The following ZNF804B variants were observed in gnomAD, a reference collection of about 807,000 sequenced individuals.
The protein encoded by ZNF804B is zinc finger 804B.
ZNF804B carries 80 observed loss-of-function variants against 101.4 expected under a neutral mutation model. That is an observed-to-expected ratio of 0.79 (90% CI 0.66 to 0.95). The LOEUF is 0.95. Ranked by LOEUF, ZNF804B falls within the 40% of genes least tolerant of loss-of-function variation. The pLI is 0.00. For missense variants in ZNF804B, 1,673 were observed against 1,561.9 expected, an observed-to-expected ratio of 1.07 and a Z score of -1.20; for synonymous variants, 622 against 558.8, an observed-to-expected ratio of 1.11 and a Z score of -1.59.
chr7:89,336,799 G>A lies in ZNF804B; in HGVS notation c.3817G>A (p.Ala1273Thr), dbSNP rs1232041906. Residue 1273 changes from alanine (A) to threonine (T), a missense_variant, in exon 4 of 4, where the codon GCT becomes ACT. Ala to Thr is a moderately conservative substitution (Grantham distance 58). Transcript: ENST00000333190. Reference protein sequence around the residue: ...LAGHPLHLVAATPFHPSHITL... With the variant: ...LAGHPLHLVATTPFHPSHITL... ...AGGTCATCCCCTGCATTTAGTAGCT[G>A]CTACCCCCTTCCACCCATCTCACAT... 1.2e-6 allele frequency: 2 copies of A among 1,613,924 alleles called. No homozygotes were observed. The highest frequency in any genetic ancestry group is 1.7e-4 in the Middle Eastern group (1 of 6,060).
At chr7:89,040,512 T>A (rs917292889) in intron 1 of ZNF804B, among the ~76,000 whole-genome samples, 1 of 152,208 alleles carries the variant, frequency 6.6e-6, no homozygotes, top group Non-Finnish European at 1.5e-5. Context: ...ATTGATACAT[T>A]GTTTTCTTAT....
intron 1 of ZNF804B, among the ~76,000 whole-genome samples, chr7:88,899,630 T>C (rs1792358953): frequency 1.3e-5 from 2 of 152,180 alleles, no homozygotes; most frequent in Non-Finnish European, 2.9e-5. Flanking sequence ...ATTATTTGCT[T>C]TTTTGTTTAA....
chr7:89,063,205 G>A (rs10254094), intron 1 of ZNF804B, among the ~76,000 whole-genome samples: 10,824 of 152,064 alleles, frequency 0.071, 783 homozygotes, highest in African/African-American at 0.18. Flanking sequence ...GTCAAACTAA[G>A]CTATATATTT....
intron 1 of ZNF804B, among the ~76,000 whole-genome samples, chr7:88,789,548 G>T (rs762230618): frequency 7.2e-5 from 11 of 152,016 alleles, no homozygotes; most frequent in Non-Finnish European, 1.3e-4. Flanking sequence ...TATTTGAAAG[G>T]TACTTTTTGG....
chr7:89,172,292 A>G (rs995682329), intron 1 of ZNF804B, among the ~76,000 whole-genome samples: 6 of 152,150 alleles, frequency 3.9e-5, no homozygotes, highest in Non-Finnish European at 5.9e-5. Context: ...GGAAGAGGGC[A>G]CCAGTTTGCA....
intron 1 of ZNF804B, among the ~76,000 whole-genome samples, chr7:88,915,137 A>G (rs1476192056): frequency 6.6e-6 from 1 of 152,104 alleles, no homozygotes; most frequent in Non-Finnish European, 1.5e-5. Flanking sequence ...ATCACATTTT[A>G]AGAGAAAATA....
At chr7:88,902,450 G>A (rs1170730929) in intron 1 of ZNF804B, among the ~76,000 whole-genome samples, 1 of 151,942 alleles carries the variant, frequency 6.6e-6, no homozygotes, top group Non-Finnish European at 1.5e-5. Flanking sequence ...TTTATTTGGG[G>A]AAACAGAGGC....
At chr7:88,905,363 T>C (rs1562828170) in intron 1 of ZNF804B, among the ~76,000 whole-genome samples, 1 of 151,972 alleles carries the variant, frequency 6.6e-6, no homozygotes. Context: ...TTTTTTGTTT[T>C]TTGTTTTTTT....
At chr7:89,298,418 G>A (rs1438808353) in intron 2 of ZNF804B, among the ~76,000 whole-genome samples, 1 of 149,472 alleles carries the variant, frequency 6.7e-6, no homozygotes, top group Non-Finnish European at 1.5e-5. Flanking sequence ...GCCCTGGTGT[G>A]TGATGTTCCC....
At chr7:88,955,708 G>T (rs1286748207) in intron 1 of ZNF804B, among the ~76,000 whole-genome samples, 3 of 151,460 alleles carry the variant, frequency 2.0e-5, no homozygotes, top group African/African-American at 7.3e-5. Flanking sequence ...TTGTGGCTAA[G>T]ACCTGGGAAA....
intron 1 of ZNF804B, among the ~76,000 whole-genome samples, chr7:89,047,776 C>A (rs559883460): frequency 6.6e-6 from 1 of 152,164 alleles, no homozygotes; most frequent in African/African-American, 2.4e-5. Context: ...GGCATGAACA[C>A]CCTCACTGCA....
chr7:89,057,813 C>A (rs531569393), intron 1 of ZNF804B, among the ~76,000 whole-genome samples: 2 of 152,146 alleles, frequency 1.3e-5, no homozygotes, highest in East Asian at 3.9e-4. Flanking sequence ...TTGATTTCCT[C>A]CCCAGATCAA....
chr7:88,795,051 C>CAA (rs35996371), intron 1 of ZNF804B: 99 of 741,118 alleles, frequency 1.3e-4, no homozygotes, highest in Non-Finnish European at 1.8e-4. Context: ...TTTCTTCTGA[C>CAA]AAAAAAAAAA....
In ZNF804B at chr7:88,782,470, C is replaced by T. The variant is rs997456632; in HGVS notation, c.108+22386C>T. On this transcript the variant is annotated intron_variant, in intron 1 of 3. Coordinates refer to ENST00000333190, the MANE Select transcript of ZNF804B (RefSeq NM_181646.5). ...TTATATATATACATATATGTATATA[C>T]GTGCACATGTATTTATATACACTAA... Among the ~76,000 whole-genome samples, 90 of 151,872 alleles carry T rather than the reference C, an allele frequency of 5.9e-4. 1 individual carries two copies. Among genetic ancestry groups the T allele is most frequent in the African/African-American group, 1.9e-3 (80 of 41,382 alleles).
chr7:89,002,241 A>G (rs1469383012), intron 1 of ZNF804B, among the ~76,000 whole-genome samples: 2 of 151,810 alleles, frequency 1.3e-5, no homozygotes, highest in Admixed American at 6.6e-5. Context: ...CAATTTATAG[A>G]TGGGCACTAA....
intron 2 of ZNF804B, among the ~76,000 whole-genome samples, chr7:89,243,437 A>T (rs1295496442): frequency 2.6e-5 from 4 of 151,792 alleles, no homozygotes; most frequent in Non-Finnish European, 5.9e-5. Flanking sequence ...CACCATTCTC[A>T]GCTGTATTTG....
chr7:88,962,712 T>C (rs1375864861), intron 1 of ZNF804B, among the ~76,000 whole-genome samples: 2 of 52,378 alleles, frequency 3.8e-5, no homozygotes, highest in Admixed American at 2.2e-4. Context: ...AACTCACATA[T>C]ATATATATAT....
intron 1 of ZNF804B, among the ~76,000 whole-genome samples, chr7:88,852,260 T>C (rs1791459011): frequency 6.6e-6 from 1 of 152,098 alleles, no homozygotes; most frequent in African/African-American, 2.4e-5. Context: ...TTCCAACTAG[T>C]ATGTATTTCC....
intron 1 of ZNF804B, among the ~76,000 whole-genome samples, chr7:88,784,186 T>C (rs971257503): frequency 1.3e-5 from 2 of 152,270 alleles, no homozygotes; most frequent in South Asian, 4.1e-4. Context: ...CCATAAAGTA[T>C]ATAGAACACA....
Sources: gnomAD v4.1 joint callset for allele counts (sites outside exome capture counted in the v4.1 genomes callset) on GRCh38, gnomAD v4.1.1 for gene constraint, MANE v1.5 for transcripts, NCBI Gene and HGNC (gene_info 2026-07-23, HGNC 2026-07-21) for gene names.